Variants in SAMD4A observed in about 807,000 individuals in gnomAD.
SAMD4A encodes protein Smaug homolog 1.
In SAMD4A, 33 loss-of-function variants were observed where a neutral mutation model predicts 81.3. The observed-to-expected ratio is 0.41, with a 90% CI of 0.31 to 0.54. SAMD4A has a LOEUF of 0.54. Among genes scored for constraint, SAMD4A ranks in the 20% least tolerant of loss-of-function variants. The probability of loss-of-function intolerance (pLI) is 0.37; values close to 1 mark genes in which losing one functional copy is unlikely to be tolerated. For synonymous variants in SAMD4A, 389 were observed against 382.1 expected, an observed-to-expected ratio of 1.02 and a Z score of -0.21; for missense variants, 854 against 951.1, an observed-to-expected ratio of 0.90 and a Z score of 1.34.
Position 54,791,806 on chromosome 14 carries a change from A to C in SAMD4A, c.*2862A>C, listed in dbSNP as rs1474808826. The C allele has an allele frequency of 6.6e-6, 1 of 152,258 alleles. No individual in the cohort carries two copies. Among genetic ancestry groups the C allele is most frequent in the Non-Finnish European group, 1.5e-5 (1 of 68,046 alleles). 9.4% of individuals were successfully genotyped at this position (152,258 alleles called of 1,614,324 possible). On this transcript the variant is annotated 3_prime_UTR_variant, in exon 13 of 13. Coordinates refer to ENST00000554335, the MANE Select transcript of SAMD4A (RefSeq NM_015589.6). ...ATAAAAGAATCAAACAGTTGCATGC[A>C]TGAGGCTGTGAAGTCAGATATTTAG...
chr14:54,645,922 C>T (rs1169839703), intron 2 of SAMD4A, among the ~76,000 whole-genome samples: 2 of 152,166 alleles, frequency 1.3e-5, no homozygotes, highest in Non-Finnish European at 2.9e-5. Flanking sequence ...GATTCTTTTG[C>T]TTCGCAAAAT....
chr14:54,771,856 G>A (rs960740620), intron 9 of SAMD4A, among the ~76,000 whole-genome samples: 7 of 152,126 alleles, frequency 4.6e-5, no homozygotes, highest in South Asian at 2.1e-4. Flanking sequence ...GTTGTCATTG[G>A]TCCACATCCG....
chr14:54,721,467 T>G (rs954582951), intron 3 of SAMD4A, among the ~76,000 whole-genome samples: 1 of 152,220 alleles, frequency 6.6e-6, no homozygotes, highest in Non-Finnish European at 1.5e-5. Context: ...TAGAAATCTT[T>G]AATGGGGAGT....
At chr14:54,741,252 AAAAG>A (rs1048446688) in intron 4 of SAMD4A, among the ~76,000 whole-genome samples, 6 of 152,230 alleles carry the variant, frequency 3.9e-5, no homozygotes, top group African/African-American at 1.4e-4. Flanking sequence ...GTGGCCAAGA[AAAAG>A]AGAGAGAGAA....
At position 54,775,028 on chromosome 14, in the gene SAMD4A, C is replaced by T. The variant is rs570642036; in HGVS notation, c.1810C>T (p.Arg604Trp). ...CCCGCGCCAGTACCAGATCCCCTCT[C>T]GGAACGTCCCTTCCGCCCGCCTGGG... ...RNPRQYQIPS[R>W]NVPSARLGLL... Residue 604 changes from arginine to tryptophan, a missense_variant, in exon 10 of 13, where the codon CGG becomes TGG. Transcript: ENST00000554335. The T allele has an allele frequency of 5.0e-6, 8 of 1,614,106 alleles. No individual in the cohort carries two copies. The highest frequency in any genetic ancestry group is 3.3e-5 in the South Asian group (3 of 91,082).
intron 2 of SAMD4A, among the ~76,000 whole-genome samples, chr14:54,700,846 A>G (rs934321299): frequency 6.6e-6 from 1 of 152,212 alleles, no homozygotes; most frequent in African/African-American, 2.4e-5. Flanking sequence ...CATTATGCTC[A>G]GTGAAGTAAG....
In SAMD4A at chr14:54,745,247, C is replaced by T. The variant is rs777474741; in HGVS notation, c.980-3568C>T. Among the ~76,000 whole-genome samples the T allele has an allele frequency of 2.8e-4, 42 of 152,182 alleles. 1 individual carries two copies. The highest frequency in any genetic ancestry group is 3.1e-4 in the Non-Finnish European group (21 of 68,030). ...TTTCTCACCACCCACAAGATGAAGTCGACTCTCTTTGTTCAGCATTGCATA... is the reference window on the plus strand; with the variant it reads ...TTTCTCACCACCCACAAGATGAAGTTGACTCTCTTTGTTCAGCATTGCATA... On this transcript the variant is annotated intron_variant, in intron 4 of 12. Transcript: ENST00000554335.
chr14:54,653,112 G>A (rs1348760162), intron 2 of SAMD4A, among the ~76,000 whole-genome samples: 1 of 151,326 alleles, frequency 6.6e-6, no homozygotes, highest in Non-Finnish European at 1.5e-5. Context: ...TTTCTCTCCT[G>A]TTTCCTTCTT....
At chr14:54,636,207 T>C (rs2035031634) in intron 2 of SAMD4A, among the ~76,000 whole-genome samples, 1 of 152,114 alleles carries the variant, frequency 6.6e-6, no homozygotes, top group Non-Finnish European at 1.5e-5. Context: ...AGTTTGCATT[T>C]GCATTTGAGG....
chr14:54,629,322 T>A (rs2034839635), intron 2 of SAMD4A, among the ~76,000 whole-genome samples: 1 of 152,232 alleles, frequency 6.6e-6, no homozygotes, highest in Non-Finnish European at 1.5e-5. Flanking sequence ...ACAACCTGAT[T>A]TGTTTTCAGA....
At chr14:54,687,274 G>C (rs1008996268) in intron 2 of SAMD4A, 3 of 449,752 alleles carry the variant, frequency 6.7e-6, no homozygotes, top group Non-Finnish European at 1.3e-5. Context: ...TCCATGGGCA[G>C]TTATGAACCA....
chr14:54,783,511 G>C (rs2039055471), intron 11 of SAMD4A, among the ~76,000 whole-genome samples: 2 of 152,340 alleles, frequency 1.3e-5, no homozygotes, highest in African/African-American at 4.8e-5. Flanking sequence ...GGAGATTGTG[G>C]TGAGAATGTG....
intron 2 of SAMD4A, among the ~76,000 whole-genome samples, chr14:54,658,000 T>A (rs1000401692): frequency 1.3e-5 from 2 of 152,102 alleles, no homozygotes; most frequent in African/African-American, 4.8e-5. Flanking sequence ...ACGAAGTAGA[T>A]GTTAGAGAAG....
Position 54,568,094 on chromosome 14 carries a change from C to G in SAMD4A, c.178C>G (p.Arg60Gly), listed in dbSNP as rs775684220. Residue 60 changes from arginine to glycine, a missense_variant, in exon 2 of 13, where the codon CGC (arginine) becomes GGC (glycine). By Grantham distance (125) the Arg-to-Gly change is moderately radical. Around this residue, in one of 3 missense-constraint regions of SAMD4A, gnomAD observed 387 missense variants for 405.8 expected, o/e 0.95. Transcript: ENST00000554335. ...ADCAELHVLE[R>G]EANSPGIINQ... ...CTGCGCCGAGCTGCACGTCCTCGAA[C>G]GCGAGGCCAACAGCCCCGGTAAGTG... 2.4e-5 allele frequency: 37 copies of G among 1,555,600 alleles called. No homozygotes were observed. Among genetic ancestry groups the G allele is most frequent in the Non-Finnish European group, 2.9e-5 (34 of 1,159,064 alleles).
chr14:54,781,389 T>C (rs2038995827), intron 11 of SAMD4A, among the ~76,000 whole-genome samples: 1 of 152,208 alleles, frequency 6.6e-6, no homozygotes, highest in African/African-American at 2.4e-5. Context: ...AGCATTCTCT[T>C]CCGGAATCTT....
chr14:54,705,034 A>C (rs11625890), intron 3 of SAMD4A, among the ~76,000 whole-genome samples: 1 of 152,054 alleles, frequency 6.6e-6, no homozygotes, highest in Non-Finnish European at 1.5e-5. Flanking sequence ...AGCTTGGCCA[A>C]GTAATTTAAC....
At chr14:54,764,595 T>C in intron 8 of SAMD4A, 55 bp downstream of exon 8, 1 of 1,161,990 alleles carries the variant, frequency 8.6e-7, no homozygotes, top group Non-Finnish European at 1.3e-6. Context: ...TAGAAATGGT[T>C]CTCAGAGTTT....
Position 54,626,064 on chromosome 14 carries a change from G to GCA in SAMD4A, c.196+57953_196+57954insAC, listed in dbSNP as rs1555337643. 5.5e-4 allele frequency among the ~76,000 whole-genome samples: 51 copies of GCA among 92,908 alleles called. 1 individual carries two copies. Among genetic ancestry groups the GCA allele is most frequent in the South Asian group, 2.3e-3 (8 of 3,510 alleles). 61.0% of individuals were successfully genotyped at this position (92,908 alleles called of 152,430 possible). A position where few individuals can be genotyped will look rare whatever the true frequency, so the allele number is the denominator to read the frequency against. On this transcript the variant is annotated intron_variant, in intron 2 of 12. Coordinates refer to ENST00000554335, the MANE Select transcript of SAMD4A (RefSeq NM_015589.6). ...TGTGTGTGTGTGTGTGTGTGTGCGC[G>GCA]CGCGCGCGCGCGAGTGCGCACATGT...
In SAMD4A at chr14:54,776,434, CG is replaced by C. The variant is rs780390739; in HGVS notation, c.1943del (p.Gly648AlafsTer29). ...ACCAGAACCTGTGGTTTGCCAACCCCGGGGGCAGCAATAGCATGCCAAGCCG... is the reference window on the plus strand; with the variant it reads ...ACCAGAACCTGTGGTTTGCCAACCCCGGGGCAGCAATAGCATGCCAAGCCG... ...GRQNLWFANP[G>X]GSNSMPSRTH... is the part of the protein sequence containing the mutation. On this transcript the variant is annotated frameshift_variant, in exon 11 of 13. Transcript: ENST00000554335. LOFTEE classifies it high-confidence loss of function. 9 of 1,591,410 alleles carry C rather than the reference CG, an allele frequency of 5.7e-6. No homozygotes were observed. Among genetic ancestry groups the C allele is most frequent in the Admixed American group, 3.5e-5 (2 of 56,478 alleles).
Sources: gnomAD v4.1 joint callset for allele counts (sites outside exome capture counted in the v4.1 genomes callset) on GRCh38, gnomAD v4.1.1 for gene constraint, gnomAD v4.1.1 regional missense constraint, MANE v1.5 for transcripts, NCBI Gene and HGNC (gene_info 2026-07-23, HGNC 2026-07-21) for gene names.